RPS6KC1: variants seen among roughly 807,000 people sequenced by gnomAD.
The protein encoded by RPS6KC1 is inactive ribosomal protein S6 kinase delta-1.
A neutral mutation model predicts 103.8 loss-of-function variants in RPS6KC1; 54 were observed. The observed-to-expected ratio is 0.52, with a 90% CI of 0.42 to 0.65. The LOEUF (loss-of-function observed/expected upper bound fraction) is 0.65. RPS6KC1 is among the 30% of genes least tolerant of loss of function. The pLI is 0.00. For synonymous variants in RPS6KC1, 439 were observed against 438.7 expected (o/e 1.00, Z -0.01); for missense variants, 1,151 against 1,253.8 (o/e 0.92, Z 1.24).
At chr1:213,694,956 G>A in the RPS6KC1 span, among the ~76,000 whole-genome samples, 66,680 of 152,014 alleles carry the variant, frequency 0.44, 16,834 homozygotes, top group East Asian at 0.62. Context: ...CAGTGTGAGA[G>A]CGGCACAGTA....
At chr1:213,727,474 G>A in the RPS6KC1 span, among the ~76,000 whole-genome samples, 2 of 152,174 alleles carry the variant, frequency 1.3e-5, no homozygotes, top group East Asian at 1.9e-4. Context: ...GTAAAGCAAA[G>A]CAAGACAATG....
chr1:213,862,610 C>G, the RPS6KC1 span, among the ~76,000 whole-genome samples: 1 of 152,156 alleles, frequency 6.6e-6, no homozygotes, highest in Non-Finnish European at 1.5e-5. Flanking sequence ...CCACTCTTCC[C>G]CATTCATTTT....
At chr1:213,598,091 C>A in the RPS6KC1 span, among the ~76,000 whole-genome samples, 1 of 152,092 alleles carries the variant, frequency 6.6e-6, no homozygotes, top group Non-Finnish European at 1.5e-5. Context: ...GGAAAAAGCC[C>A]CACAACTTGT....
At chr1:213,625,790 T>C in the RPS6KC1 span, among the ~76,000 whole-genome samples, 1 of 152,180 alleles carries the variant, frequency 6.6e-6, no homozygotes. Context: ...TAGTATTCCA[T>C]GGTGTATATG....
chr1:213,341,410 A>G, the RPS6KC1 span, among the ~76,000 whole-genome samples: 1 of 152,176 alleles, frequency 6.6e-6, no homozygotes, highest in Non-Finnish European at 1.5e-5. Flanking sequence ...CAGGTAGTTA[A>G]TGAAATGTTT....
intron 8 of RPS6KC1, among the ~76,000 whole-genome samples, chr1:213,191,998 C>T (rs2092765783): frequency 6.6e-6 from 1 of 151,836 alleles, no homozygotes; most frequent in African/African-American, 2.4e-5. Flanking sequence ...TGTAGATCTG[C>T]CCGATTCAGC....
At chr1:213,677,057 A>C in the RPS6KC1 span, among the ~76,000 whole-genome samples, 1 of 152,346 alleles carries the variant, frequency 6.6e-6, no homozygotes, top group Admixed American at 6.5e-5. Context: ...CCTGTGATCC[A>C]TACGATGCAG....
the RPS6KC1 span, among the ~76,000 whole-genome samples, chr1:213,696,981 C>G: frequency 6.6e-6 from 1 of 152,214 alleles, no homozygotes; most frequent in Non-Finnish European, 1.5e-5. Flanking sequence ...AGGCTGTCAC[C>G]TATACTTCTG....
At chr1:213,392,446 C>T in the RPS6KC1 span, among the ~76,000 whole-genome samples, 1 of 152,130 alleles carries the variant, frequency 6.6e-6, no homozygotes, top group Non-Finnish European at 1.5e-5. Context: ...GCTGGGGATA[C>T]TGCTGTACTG....
At chr1:213,471,554 C>T in the RPS6KC1 span, among the ~76,000 whole-genome samples, 3 of 152,144 alleles carry the variant, frequency 2.0e-5, no homozygotes, top group Non-Finnish European at 4.4e-5. Flanking sequence ...CTGTCATCCT[C>T]CTATCCCAAG....
the RPS6KC1 span, among the ~76,000 whole-genome samples, chr1:213,328,504 C>CTATATATATATATATATA: frequency 6.4e-4 from 65 of 101,436 alleles, 1 homozygote; most frequent in Non-Finnish European, 9.4e-4. Context: ...AGCCATTATA[C>CTATATATATATATATATA]TATATATATA....
chr1:213,661,798 T>C, the RPS6KC1 span, among the ~76,000 whole-genome samples: 10 of 152,230 alleles, frequency 6.6e-5, no homozygotes, highest in Non-Finnish European at 1.5e-5. Flanking sequence ...ACATTTAAAC[T>C]TGCAATTTAT....
At chr1:213,785,289 G>A in the RPS6KC1 span, among the ~76,000 whole-genome samples, 29 of 152,210 alleles carry the variant, frequency 1.9e-4, no homozygotes, top group Middle Eastern at 3.4e-3. Context: ...TAGGGTGCTC[G>A]TTCCTGGACA....
At chr1:213,161,713 G>A (rs1409777143) in intron 6 of RPS6KC1, among the ~76,000 whole-genome samples, 1 of 152,168 alleles carries the variant, frequency 6.6e-6, no homozygotes, top group Non-Finnish European at 1.5e-5. Flanking sequence ...TGATTCTGAT[G>A]TATTAATACA....
At position 213,129,630 on chromosome 1, in the gene RPS6KC1, T is replaced by G; in HGVS notation, c.576T>G (p.Thr192=). 6.2e-7 allele frequency: 1 copy of G among 1,614,044 alleles called. No individual in the cohort carries two copies. The highest frequency in any genetic ancestry group is 8.5e-7 in the Non-Finnish European group (1 of 1,179,962). ...CCAATCAAAATTCTCCCATTAGAAC[T>G]TTTGGTCTCAATCTTTCTTCGGATT... The part of the protein sequence containing the change: ...MASNQNSPIR[T]FGLNLSSDSS... Residue 192 remains threonine (T), a synonymous_variant, in exon 6 of 15, where the codon ACT becomes ACG. Coordinates refer to ENST00000366960, the MANE Select transcript of RPS6KC1 (RefSeq NM_012424.6).
the RPS6KC1 span, among the ~76,000 whole-genome samples, chr1:213,383,774 G>A: frequency 2.1e-5 from 3 of 145,816 alleles, no homozygotes; most frequent in African/African-American, 7.6e-5. Context: ...CACGCACACA[G>A]GGAAAGGCCA....
intron 8 of RPS6KC1, among the ~76,000 whole-genome samples, chr1:213,218,527 G>C (rs1165810037): frequency 6.6e-6 from 1 of 152,052 alleles, no homozygotes; most frequent in East Asian, 1.9e-4. Context: ...CTACTTTAAA[G>C]TTCATATGGA....
the RPS6KC1 span, among the ~76,000 whole-genome samples, chr1:213,480,686 T>G: frequency 1.3e-5 from 2 of 152,052 alleles, no homozygotes; most frequent in African/African-American, 4.8e-5. Context: ...TGTAGTAAAA[T>G]TTTTGATGCT....
the RPS6KC1 span, among the ~76,000 whole-genome samples, chr1:213,731,971 G>A: frequency 6.6e-6 from 1 of 152,110 alleles, no homozygotes; most frequent in Non-Finnish European, 1.5e-5. Flanking sequence ...ATACAATCCT[G>A]TGTTCATACA....
Sources: gnomAD v4.1 joint callset for allele counts (sites outside exome capture counted in the v4.1 genomes callset) on GRCh38, gnomAD v4.1.1 for gene constraint, MANE v1.5 for transcripts, NCBI Gene and HGNC (gene_info 2026-07-23, HGNC 2026-07-21) for gene names.